The following TOGARAM1 variants were observed in gnomAD, a reference collection of about 807,000 sequenced individuals.
TOGARAM1 encodes the protein TOG array regulator of axonemal microtubules 1.
Under a neutral mutation model 166.6 loss-of-function variants are expected in TOGARAM1, and 100 were observed. That is an observed-to-expected ratio of 0.60 (90% CI 0.51 to 0.71). The LOEUF is 0.71. Ranked by LOEUF, TOGARAM1 falls within the 30% of genes least tolerant of loss-of-function variation. The pLI is 0.00. For missense variants in TOGARAM1, 2,029 were observed against 2,102.7 expected (o/e 0.96, Z 0.69); for synonymous variants, 758 against 763.8 (o/e 0.99, Z 0.13).
chr14:44,971,505 TTGTTGATTTTC>T (rs936654442), intron 1 of TOGARAM1, among the ~76,000 whole-genome samples: 1 of 152,174 alleles, frequency 6.6e-6, no homozygotes, highest in Non-Finnish European at 1.5e-5. Context: ...GAGTTTGTTT[TTGTTGATTTTC>T]TGTTGATTTC....
At chr14:45,054,729 G>A (rs1882547757) in intron 16 of TOGARAM1, among the ~76,000 whole-genome samples, 180 bp downstream of exon 16, 1 of 152,158 alleles carries the variant, frequency 6.6e-6, no homozygotes, top group African/African-American at 2.4e-5. Flanking sequence ...TATATTTACA[G>A]CAACTTGCTT....
Position 45,066,594 on chromosome 14 carries a change from C to A in TOGARAM1, c.4576C>A (p.Arg1526Ser), listed in dbSNP as rs772832978. 16 of 1,606,762 alleles carry A rather than the reference C, an allele frequency of 1.0e-5. No homozygotes were observed. In the East Asian group the frequency reaches 1.3e-4, roughly 13 times the overall value. ...NSAERAVTEV[R>S]EVTRKSVPRN... ...TCACTTTAGAGCTGTAACTGAAGTTCGTGAAGTCACCAGAAAATCAGTCCC... is the reference window on the plus strand; with the variant it reads ...TCACTTTAGAGCTGTAACTGAAGTTAGTGAAGTCACCAGAAAATCAGTCCC... Residue 1526 changes from arginine (R) to serine (S), a missense_variant, in exon 17 of 20, where the codon CGT (arginine) becomes AGT (serine). Physicochemically the swap from Arg to Ser is moderately radical, Grantham distance 110. Around this residue, in one of 2 missense-constraint regions of TOGARAM1, gnomAD observed 576 missense variants for 670.5 expected, o/e 0.86. Coordinates refer to ENST00000361462, the MANE Select transcript of TOGARAM1 (RefSeq NM_001308120.2).
intron 6 of TOGARAM1, among the ~76,000 whole-genome samples, chr14:45,009,691 A>G (rs1335278032): frequency 2.6e-5 from 4 of 152,126 alleles, no homozygotes; most frequent in Non-Finnish European, 2.9e-5. Flanking sequence ...CCCCACATCA[A>G]TAGAAAATTA....
At chr14:45,028,531 A>G (rs959433794) in intron 10 of TOGARAM1, among the ~76,000 whole-genome samples, 15 of 152,302 alleles carry the variant, frequency 9.8e-5, no homozygotes, top group African/African-American at 3.6e-4. Context: ...TGATTATCTC[A>G]AAGGTCCAGA....
rs71108678 is a variant in TOGARAM1 at position 45,049,057 on chromosome 14, C to CAA, written c.4313+2382_4313+2383dup. The stretch of plus-strand genomic sequence containing the variant: ...GAGCCCAGGACAGAGACAAACTTCT[C>CAA]AAAAAAAAAAAAAAAAAAAAAAAAA... On this transcript the variant is annotated intron_variant, in intron 14 of 19. Coordinates refer to ENST00000361462, the MANE Select transcript of TOGARAM1 (RefSeq NM_001308120.2). Among the ~76,000 whole-genome samples, 69 of 47,320 alleles carry CAA rather than the reference C, an allele frequency of 1.5e-3. 6 individuals are homozygous for CAA. The highest frequency in any genetic ancestry group is 5.6e-3 in the African/African-American group (60 of 10,652). 31.0% of individuals were successfully genotyped at this position (47,320 alleles called of 152,430 possible). A position where few individuals can be genotyped will look rare whatever the true frequency, so the allele number is the denominator to read the frequency against.
At chr14:45,003,777 A>G (rs1887799571) in intron 3 of TOGARAM1, among the ~76,000 whole-genome samples, 1 of 152,208 alleles carries the variant, frequency 6.6e-6, no homozygotes, top group Admixed American at 6.5e-5. Context: ...ATGTGTGTAT[A>G]TGTATACATA....
chr14:44,994,763 G>GT (rs1361353406), intron 1 of TOGARAM1, among the ~76,000 whole-genome samples: 1 of 152,090 alleles, frequency 6.6e-6, no homozygotes, highest in Non-Finnish European at 1.5e-5. Context: ...TTCTGGGTTA[G>GT]TTTTTGAAGG....
intron 1 of TOGARAM1, among the ~76,000 whole-genome samples, chr14:44,980,236 T>G (rs1269566330): frequency 6.6e-6 from 1 of 152,226 alleles, no homozygotes; most frequent in African/African-American, 2.4e-5. Context: ...ATTTCTATCT[T>G]GTCCACATGT....
At chr14:44,982,256 A>T (rs1886578927) in intron 1 of TOGARAM1, among the ~76,000 whole-genome samples, 1 of 152,046 alleles carries the variant, frequency 6.6e-6, no homozygotes, top group Non-Finnish European at 1.5e-5. Flanking sequence ...GAATATTTAG[A>T]CTTTTAATTC....
At chr14:45,042,912 G>C (rs938548366) in intron 11 of TOGARAM1, among the ~76,000 whole-genome samples, 4 of 152,112 alleles carry the variant, frequency 2.6e-5, no homozygotes, top group Admixed American at 2.6e-4. Flanking sequence ...AGTGTACCCG[G>C]TCACTCAGGA....
chr14:45,066,493 A>G (rs750960413), intron 16 of TOGARAM1, 85 bp from the exon 17 acceptor site: 5 of 1,265,032 alleles, frequency 4.0e-6, no homozygotes, highest in East Asian at 2.5e-5. Context: ...AAATGAATGC[A>G]TAATGAGATT....
intron 12 of TOGARAM1, 41 bp from the exon 13 acceptor site, chr14:45,044,594 G>A: frequency 7.4e-7 from 1 of 1,359,266 alleles, no homozygotes; most frequent in Non-Finnish European, 1.0e-6. Context: ...TGATTTTCTT[G>A]CAGAATATCA....
At chr14:44,987,974 A>T (rs1277826204) in intron 1 of TOGARAM1, among the ~76,000 whole-genome samples, 1 of 152,058 alleles carries the variant, frequency 6.6e-6, no homozygotes, top group African/African-American at 2.4e-5. Flanking sequence ...ATGAAGCTGG[A>T]AACCATCATT....
intron 16 of TOGARAM1, among the ~76,000 whole-genome samples, chr14:45,062,687 C>T (rs1215089797): frequency 6.6e-6 from 1 of 152,010 alleles, no homozygotes; most frequent in East Asian, 1.9e-4. Flanking sequence ...GTATAATATT[C>T]AATAAATTAT....
chr14:44,973,627 G>C (rs905222132), intron 1 of TOGARAM1, among the ~76,000 whole-genome samples: 2 of 149,098 alleles, frequency 1.3e-5, no homozygotes, highest in South Asian at 2.1e-4. Context: ...TCTCTCTCCA[G>C]GTTTTTGACC....
At chr14:45,067,864 C>T (rs1018708450) in intron 17 of TOGARAM1, among the ~76,000 whole-genome samples, 1 of 152,028 alleles carries the variant, frequency 6.6e-6, no homozygotes, top group Non-Finnish European at 1.5e-5. Context: ...TTTATTATAT[C>T]TTGAGTTTAT....
At position 45,051,553 on chromosome 14, in the gene TOGARAM1, C is replaced by CTTTT. The variant is rs1015760925; in HGVS notation, c.4314-862_4314-859dup. 1.4e-3 allele frequency among the ~76,000 whole-genome samples: 126 copies of CTTTT among 90,052 alleles called. 2 individuals carry two copies. Among genetic ancestry groups the CTTTT allele is most frequent in the African/African-American group, 3.7e-3 (75 of 20,100 alleles). 59.1% of individuals were successfully genotyped at this position (90,052 alleles called of 152,430 possible). On this transcript the variant is annotated intron_variant, in intron 14 of 19. Coordinates refer to ENST00000361462, the MANE Select transcript of TOGARAM1 (RefSeq NM_001308120.2). Reference sequence around the variant, plus strand: ...GATTATGGGAGCATCCCAACAGATGCTTTTTTTTTTTTTTTTTTTTTTTTG... The same window carrying CTTTT: ...GATTATGGGAGCATCCCAACAGATGCTTTTTTTTTTTTTTTTTTTTTTTTTTTTG...
chr14:45,073,089 A>G (rs1883452311), intron 19 of TOGARAM1, among the ~76,000 whole-genome samples: 1 of 152,150 alleles, frequency 6.6e-6, no homozygotes, highest in Non-Finnish European at 1.5e-5. Flanking sequence ...GCATGAACTA[A>G]TTGTTCTATA....
At chr14:45,058,995 A>T (rs575561429) in intron 16 of TOGARAM1, among the ~76,000 whole-genome samples, 2 of 152,202 alleles carry the variant, frequency 1.3e-5, no homozygotes, top group South Asian at 4.1e-4. Context: ...GGTATTTCTT[A>T]TAGGGCCAGT....
Sources: allele counts gnomAD v4.1 joint callset (sites outside exome capture counted in the v4.1 genomes callset), GRCh38; gene constraint gnomAD v4.1.1; regional missense constraint gnomAD v4.1.1; transcripts MANE v1.5; gene names NCBI Gene and HGNC (gene_info 2026-07-23, HGNC 2026-07-21).